SRPRB: variants seen among roughly 807,000 people sequenced by gnomAD.
SRPRB encodes the protein signal recognition particle receptor subunit beta.
In SRPRB, 20 loss-of-function variants were observed where a neutral mutation model predicts 31.9. The observed-to-expected ratio is 0.63, with a 90% CI of 0.44 to 0.91. The LOEUF is 0.91. SRPRB is among the 40% of genes least tolerant of loss of function. The pLI, the probability that SRPRB is intolerant of heterozygous loss-of-function variation, is 0.00. For missense variants in SRPRB, 321 were observed against 324.9 expected, an observed-to-expected ratio of 0.99 and a Z score of 0.09; for synonymous variants, 146 against 132.8, an observed-to-expected ratio of 1.10 and a Z score of -0.68.
At position 133,818,680 on chromosome 3, in the gene SRPRB, TG is replaced by T. The variant is rs560816680; in HGVS notation, c.603-872del. Among the ~76,000 whole-genome samples, 17 of 152,334 alleles carry T rather than the reference TG, an allele frequency of 1.1e-4. No homozygotes were observed. In the South Asian group the frequency reaches 3.3e-3, roughly 30 times the overall value. On this transcript the variant is annotated intron_variant, in intron 6 of 6. Transcript: ENST00000678299. The stretch of plus-strand genomic sequence containing the variant: ...TAAAAAATATTAAAATGAATACCTA[TG>T]TACTCACCACCATGCCTAGAAGGCC...
downstream of SRPRB, among the ~76,000 whole-genome samples, chr3:133,823,413 A>AC (rs1199692641): frequency 6.6e-6 from 1 of 152,078 alleles, no homozygotes. Context: ...GGCCTGTGGG[A>AC]CCACTCCTGG....
upstream of SRPRB, among the ~76,000 whole-genome samples, chr3:133,801,492 G>A (rs763232585): frequency 3.3e-5 from 5 of 152,176 alleles, no homozygotes; most frequent in Non-Finnish European, 7.4e-5. Context: ...AAGAAAAAAA[G>A]TCTCTTTTCT....
chr3:133,823,876 G>T (rs1334559252), downstream of SRPRB, among the ~76,000 whole-genome samples: 2 of 152,158 alleles, frequency 1.3e-5, no homozygotes, highest in Non-Finnish European at 2.9e-5. Context: ...TCCAGTCCCT[G>T]TACCCTCTCC....
chr3:133,805,178 T>TG (rs1935127814), upstream of SRPRB, among the ~76,000 whole-genome samples: 25 of 152,332 alleles, frequency 1.6e-4, no homozygotes, highest in South Asian at 5.2e-3. Flanking sequence ...TTTTCCTAGT[T>TG]GCTTCCTTTA....
downstream of SRPRB, chr3:133,821,514 T>TC (rs1935474183): frequency 6.6e-6 from 1 of 152,182 alleles, no homozygotes; most frequent in Non-Finnish European, 1.5e-5. Context: ...CAGCCTCTTT[T>TC]ATTTTTTTCT....
upstream of SRPRB, among the ~76,000 whole-genome samples, chr3:133,802,622 T>C (rs1381595733): frequency 1.3e-5 from 2 of 152,184 alleles, no homozygotes; most frequent in Non-Finnish European, 2.9e-5. Context: ...TGACCACTTA[T>C]AGGACATGTC....
chr3:133,793,398 C>G (rs1468894485), intron 1 of SRPRB: 1 of 152,036 alleles, frequency 6.6e-6, no homozygotes, highest in African/African-American at 2.4e-5. Context: ...TCTTTTCTAA[C>G]CTCTAACTTT....
chr3:133,808,375 C>A (rs1935200365), intron 3 of SRPRB, among the ~76,000 whole-genome samples: 1 of 151,668 alleles, frequency 6.6e-6, no homozygotes, highest in African/African-American at 2.4e-5. Context: ...ACGGCTGATA[C>A]AACTTGGGCT....
chr3:133,828,169 G>A, downstream of SRPRB: 2 of 591,342 alleles, frequency 3.4e-6, no homozygotes, highest in Non-Finnish European at 6.0e-6. Flanking sequence ...CTCCACACGA[G>A]GTTGACGACC....
intron 4 of SRPRB, among the ~76,000 whole-genome samples, chr3:133,813,210 G>A (rs6806081): frequency 0.075 from 11,351 of 152,194 alleles, 1,075 homozygotes; most frequent in African/African-American, 0.22. Flanking sequence ...TTCAAGGATG[G>A]ATTTAGCTTT....
intron 2 of SRPRB, among the ~76,000 whole-genome samples, 185 bp from the exon 3 acceptor site, chr3:133,807,561 G>A (rs1935185142): frequency 6.6e-6 from 1 of 152,044 alleles, no homozygotes; most frequent in Non-Finnish European, 1.5e-5. Context: ...TTATTCCACT[G>A]AGGAGTAAAA....
intron 1 of SRPRB, chr3:133,793,927 A>C (rs1018328560): frequency 2.0e-5 from 3 of 152,192 alleles, no homozygotes; most frequent in African/African-American, 7.2e-5. Context: ...TGCTAACCCA[A>C]GTAGAACAAA....
chr3:133,817,036 T>G, intron 6 of SRPRB, 104 bp downstream of exon 6: 1 of 844,392 alleles, frequency 1.2e-6, no homozygotes, highest in Non-Finnish European at 1.8e-6. Flanking sequence ...TTATCACAAT[T>G]ATAGACTGAA....
At chr3:133,803,921 C>T (rs1935100031), upstream of SRPRB, among the ~76,000 whole-genome samples, 1 of 150,930 alleles carries the variant, frequency 6.6e-6, no homozygotes, top group African/African-American at 2.4e-5. Flanking sequence ...ATGGTGAAAC[C>T]CCGTCTCTAC....
Position 133,805,986 on chromosome 3 carries a change from G to A in SRPRB, c.138G>A (p.Ala46=). ...TLLSVVVAVL[A]VLLTLVFWKL... The stretch of plus-strand genomic sequence containing the variant: ...TGTCAGTAGTGGTGGCGGTTCTTGC[G>A]GTGCTGCTGACGCTAGGTAAAAGGC... The change falls in exon 1 of 7, where the codon GCG becomes GCA. Residue 46 remains alanine (A), a synonymous_variant. Transcript: ENST00000678299. The A allele has an allele frequency of 1.2e-6, 2 of 1,613,188 alleles. No homozygotes were observed. Among genetic ancestry groups the A allele is most frequent in the South Asian group, 1.1e-5 (1 of 91,012 alleles).
At chr3:133,786,222 T>TTCAAAA (rs59954827) in intron 1 of SRPRB, 1 of 84,352 alleles carries the variant, frequency 1.2e-5, no homozygotes, top group Non-Finnish European at 2.4e-5. Context: ...AAAAATAAAT[T>TTCAAAA]AAAAAAAAAA....
intron 3 of SRPRB, among the ~76,000 whole-genome samples, chr3:133,808,278 C>T (rs865847431): frequency 1.9e-4 from 28 of 151,228 alleles, no homozygotes; most frequent in African/African-American, 6.1e-4. Context: ...TGTAGTCTTC[C>T]GGATGTTCTG....
In SRPRB at chr3:133,819,702, G is replaced by C. The variant is rs752083088; in HGVS notation, c.752G>C (p.Gly251Ala). ...VEFLECSAKG[G>A]RGDVGSADIQ... is the part of the protein sequence containing the mutation. ...TTCCTGGAGTGCAGTGCCAAGGGTG[G>C]AAGAGGGGACGTGGGCTCTGCTGAC... is the stretch of plus-strand genomic sequence containing the variant. The change falls in exon 7 of 7, where the codon GGA becomes GCA. Residue 251 changes from glycine (G) to alanine (A), a missense_variant. Gly to Ala is a moderately conservative substitution (Grantham distance 60). Transcript: ENST00000678299. The C allele has an allele frequency of 1.9e-6, 3 of 1,614,162 alleles. No homozygotes were observed.
intron 6 of SRPRB, among the ~76,000 whole-genome samples, chr3:133,817,720 A>G (rs1050032985): frequency 6.6e-6 from 1 of 152,210 alleles, no homozygotes; most frequent in African/African-American, 2.4e-5. Context: ...TTCAACTTTT[A>G]GAAACTTTTC....
Sources: allele counts gnomAD v4.1 joint callset (sites outside exome capture counted in the v4.1 genomes callset), GRCh38; gene constraint gnomAD v4.1.1; transcripts MANE v1.5; gene names NCBI Gene and HGNC (gene_info 2026-07-23, HGNC 2026-07-21).